Variants in ST6GALNAC3 observed in about 807,000 individuals in gnomAD.
The protein encoded by ST6GALNAC3 is alpha-N-acetylgalactosaminide alpha-2,6-sialyltransferase 3.
Under a neutral mutation model 32.7 loss-of-function variants are expected in ST6GALNAC3, and 25 were observed. The ratio of observed to expected loss-of-function variants is 0.76; its 90% confidence interval spans 0.56 to 1.07. The LOEUF (loss-of-function observed/expected upper bound fraction) is 1.07, where lower values mean the gene tolerates loss of function less well. ST6GALNAC3 is among the 50% of genes least tolerant of loss of function. ST6GALNAC3 has a pLI of 0.00. For synonymous variants in ST6GALNAC3, 129 were observed against 133.1 expected (o/e 0.97, Z 0.21); for missense variants, 355 against 382.4 (o/e 0.93, Z 0.60).
chr1:76,209,962 G>T (rs1160285888), intron 1 of ST6GALNAC3, among the ~76,000 whole-genome samples: 1 of 152,058 alleles, frequency 6.6e-6, no homozygotes, highest in African/African-American at 2.4e-5. Flanking sequence ...TTGTCTCCAG[G>T]GGCTCCAACC....
intron 1 of ST6GALNAC3, among the ~76,000 whole-genome samples, chr1:76,252,128 T>C (rs1570585683): frequency 6.6e-6 from 1 of 152,194 alleles, no homozygotes; most frequent in Non-Finnish European, 1.5e-5. Flanking sequence ...TGATGCAGAA[T>C]TGCTGATGGA....
intron 1 of ST6GALNAC3, among the ~76,000 whole-genome samples, chr1:76,124,351 AC>A: frequency 6.6e-6 from 1 of 152,276 alleles, no homozygotes; most frequent in East Asian, 1.9e-4. Context: ...TGAAGAGATG[AC>A]TAAAAGGTTT....
chr1:76,294,733 C>G (rs1195178950), intron 1 of ST6GALNAC3, among the ~76,000 whole-genome samples: 1 of 151,980 alleles, frequency 6.6e-6, no homozygotes, highest in Non-Finnish European at 1.5e-5. Context: ...AAGTTCAACC[C>G]ACTTAACGGA....
At chr1:76,550,878 C>T (rs920318350) in intron 3 of ST6GALNAC3, among the ~76,000 whole-genome samples, 11 of 152,074 alleles carry the variant, frequency 7.2e-5, no homozygotes, top group African/African-American at 2.7e-4. Context: ...GTCACAGCCT[C>T]CCGAGTAGCT....
At chr1:76,612,815 AG>A (rs1177531281) in intron 3 of ST6GALNAC3, among the ~76,000 whole-genome samples, 1 of 152,194 alleles carries the variant, frequency 6.6e-6, no homozygotes, top group Non-Finnish European at 1.5e-5. Context: ...GGCTACTTAA[AG>A]AAGTGGCAAG....
chr1:76,249,486 C>T (rs139416884), intron 1 of ST6GALNAC3, among the ~76,000 whole-genome samples: 1 of 152,188 alleles, frequency 6.6e-6, no homozygotes, highest in African/African-American at 2.4e-5. Context: ...TTTATTGCCA[C>T]ATATATTCCA....
At chr1:76,081,042 A>C (rs1646887344) in intron 1 of ST6GALNAC3, among the ~76,000 whole-genome samples, 1 of 152,220 alleles carries the variant, frequency 6.6e-6, no homozygotes, top group Admixed American at 6.5e-5. Context: ...GAACAGCCAG[A>C]GTGCTCAGGC....
chr1:76,270,507 CAAAAAAAAA>C (rs34410935), intron 1 of ST6GALNAC3, among the ~76,000 whole-genome samples: 10 of 64,122 alleles, frequency 1.6e-4, no homozygotes, highest in African/African-American at 4.2e-4. Context: ...AACTCTGTCT[CAAAAAAAAA>C]AAAAAAAAAA....
chr1:76,473,489 T>C (rs1659163725), intron 3 of ST6GALNAC3, among the ~76,000 whole-genome samples: 1 of 152,222 alleles, frequency 6.6e-6, no homozygotes, highest in African/African-American at 2.4e-5. Context: ...ATTATATTCA[T>C]ACCTTTCTTG....
intron 3 of ST6GALNAC3, among the ~76,000 whole-genome samples, chr1:76,551,114 G>A (rs1010020018): frequency 1.3e-5 from 2 of 152,136 alleles, no homozygotes; most frequent in East Asian, 1.9e-4. Flanking sequence ...AGCAGTTTTA[G>A]TCATAGTGTG....
At chr1:76,319,910 T>C (rs1646935553) in intron 2 of ST6GALNAC3, among the ~76,000 whole-genome samples, 1 of 152,222 alleles carries the variant, frequency 6.6e-6, no homozygotes, top group African/African-American at 2.4e-5. Context: ...GACATGTGTG[T>C]ATTGGATTTG....
At chr1:76,308,784 T>C (rs1378079584) in intron 1 of ST6GALNAC3, among the ~76,000 whole-genome samples, 1 of 152,212 alleles carries the variant, frequency 6.6e-6, no homozygotes, top group African/African-American at 2.4e-5. Context: ...TATTTTAGAA[T>C]TGCAAAACAT....
intron 1 of ST6GALNAC3, among the ~76,000 whole-genome samples, chr1:76,175,363 T>C (rs776512523): frequency 2.0e-5 from 3 of 152,218 alleles, no homozygotes; most frequent in Non-Finnish European, 2.9e-5. Flanking sequence ...GATAGGAATA[T>C]ATTTTCATGT....
At position 76,102,308 on chromosome 1, in the gene ST6GALNAC3, A is replaced by G. The variant is rs138205592; in HGVS notation, c.18+27424A>G. 5.5e-3 allele frequency among the ~76,000 whole-genome samples: 834 copies of G among 151,272 alleles called. 6 individuals are homozygous for G. The highest frequency in any genetic ancestry group is 0.019 in the African/African-American group (784 of 41,236). ...TTAGCTCCTGCATTTCTATAGCATT[A>G]TTTTTAGATGTGTCTCTTGTATACA... is the stretch of plus-strand genomic sequence containing the variant. On this transcript the variant is annotated intron_variant, in intron 1 of 4. Transcript: ENST00000328299.
At chr1:76,170,324 C>T (rs1652405353) in intron 1 of ST6GALNAC3, among the ~76,000 whole-genome samples, 1 of 152,112 alleles carries the variant, frequency 6.6e-6, no homozygotes, top group Non-Finnish European at 1.5e-5. Context: ...GTTGGGGGAG[C>T]TCCTGCTGGC....
At chr1:76,370,121 T>A (rs752966734) in intron 2 of ST6GALNAC3, among the ~76,000 whole-genome samples, 1 of 152,194 alleles carries the variant, frequency 6.6e-6, no homozygotes, top group African/African-American at 2.4e-5. Flanking sequence ...GAACCAACCA[T>A]GAAAAATGTG....
intron 2 of ST6GALNAC3, among the ~76,000 whole-genome samples, chr1:76,396,983 G>A (rs1653014892): frequency 6.6e-6 from 1 of 152,078 alleles, no homozygotes; most frequent in Admixed American, 6.6e-5. Context: ...ATTTTAGAAT[G>A]GCACTTCATT....
chr1:76,572,749 A>G (rs1337428910), intron 3 of ST6GALNAC3, among the ~76,000 whole-genome samples: 1 of 152,170 alleles, frequency 6.6e-6, no homozygotes, highest in Non-Finnish European at 1.5e-5. Flanking sequence ...TGAGTTCTCA[A>G]GAAGGCCCAA....
At chr1:76,553,878 A>G (rs574010182) in intron 3 of ST6GALNAC3, among the ~76,000 whole-genome samples, 9 of 146,668 alleles carry the variant, frequency 6.1e-5, no homozygotes, top group Non-Finnish European at 1.2e-4. Context: ...GTTGAGCAGT[A>G]CTGTTTCTGT....
Sources: allele counts gnomAD v4.1 joint callset (sites outside exome capture counted in the v4.1 genomes callset), GRCh38; gene constraint gnomAD v4.1.1; transcripts MANE v1.5; gene names NCBI Gene and HGNC (gene_info 2026-07-23, HGNC 2026-07-21).